The following SLC6A4 variants were observed in gnomAD, a reference collection of about 807,000 sequenced individuals.
SLC6A4 encodes sodium-dependent serotonin transporter.
A neutral mutation model predicts 73.4 loss-of-function variants in SLC6A4; 22 were observed. That is an observed-to-expected ratio of 0.30 (90% CI 0.21 to 0.43). The LOEUF is 0.43. SLC6A4 is among the 20% of genes least tolerant of loss of function. SLC6A4 has a pLI of 1.00. For synonymous variants in SLC6A4, 270 were observed against 315.5 expected (o/e 0.86, Z 1.53); for missense variants, 593 against 808.5 (o/e 0.73, Z 3.23).
chr17:30,215,821 G>T, intron 7 of SLC6A4, 107 bp from the exon 8 acceptor site: 1 of 965,786 alleles, frequency 1.0e-6, no homozygotes, highest in Non-Finnish European at 1.6e-6. Flanking sequence ...TGCAGAGGCA[G>T]AAAAACAGCT....
chr17:30,222,045 G>A lies in SLC6A4; in HGVS notation c.-87C>T, dbSNP rs773837393. 1 of 1,598,586 alleles carries A rather than the reference G, an allele frequency of 6.3e-7. No individual in the cohort carries two copies. Among genetic ancestry groups the A allele is most frequent in the Non-Finnish European group, 8.5e-7 (1 of 1,172,810 alleles). ...GCTTGGATTTGTGGATCACCTCCGA[G>A]CTCTCTATCGTCGGGATTGACACGT... On this transcript the variant is annotated 5_prime_UTR_variant, in exon 3 of 15. Coordinates refer to ENST00000650711, the MANE Select transcript of SLC6A4 (RefSeq NM_001045.6).
In SLC6A4 at chr17:30,198,240, G is replaced by A. The variant is rs200643136; in HGVS notation, c.*216C>T. On this transcript the variant is annotated 3_prime_UTR_variant, in exon 15 of 15. Coordinates refer to ENST00000650711, the MANE Select transcript of SLC6A4 (RefSeq NM_001045.6). The stretch of plus-strand genomic sequence containing the variant: ...GTCCAAAATAGGCCAGCTCAGCTGT[G>A]TCACAGTCTACCATGGGAATATGTC... The A allele has an allele frequency of 6.8e-6, 3 of 440,320 alleles. No individual in the cohort carries two copies. The highest frequency in any genetic ancestry group is 8.0e-6 in the Non-Finnish European group (2 of 249,360). 27.3% of individuals were successfully genotyped at this position (440,320 alleles called of 1,614,324 possible). A position where few individuals can be genotyped will look rare whatever the true frequency, so the allele number is the denominator to read the frequency against.
chr17:30,208,220 G>A (rs1006589595), intron 12 of SLC6A4, among the ~76,000 whole-genome samples: 1 of 152,152 alleles, frequency 6.6e-6, no homozygotes, highest in African/African-American at 2.4e-5. Flanking sequence ...CCTGAGAGCT[G>A]AGTGTGTATC....
rs748605573 is a variant in SLC6A4 at position 30,211,454 on chromosome 17, G to T, written c.1205-30C>A. 3 of 1,397,002 alleles carry T rather than the reference G, an allele frequency of 2.1e-6. No homozygotes were observed. In the South Asian group the frequency reaches 3.5e-5, roughly 16 times the overall value. 86.5% of individuals were successfully genotyped at this position (1,397,002 alleles called of 1,614,324 possible). A position where few individuals can be genotyped will look rare whatever the true frequency, so the allele number is the denominator to read the frequency against. ...GACAGAGGGGAGAGAGGAGGAGGTGGTTGACAAGACCTGTCCTACAAAGAT... is the reference window on the plus strand; with the variant it reads ...GACAGAGGGGAGAGAGGAGGAGGTGTTTGACAAGACCTGTCCTACAAAGAT... On this transcript the variant is annotated intron_variant, in intron 9 of 14. Coordinates refer to ENST00000650711, the MANE Select transcript of SLC6A4 (RefSeq NM_001045.6). This position sits in a 1 kb window ranked among gnomAD's most constrained non-coding sequence, Gnocchi z 4.0.
chr17:30,200,019 C>T (rs1179818550), intron 14 of SLC6A4, among the ~76,000 whole-genome samples: 1 of 152,170 alleles, frequency 6.6e-6, no homozygotes, highest in Admixed American at 6.5e-5. Flanking sequence ...CTGCCTCAGC[C>T]TCCCAAGTAG....
chr17:30,202,677 T>C (rs1384146709), intron 14 of SLC6A4, among the ~76,000 whole-genome samples: 1 of 152,266 alleles, frequency 6.6e-6, no homozygotes, highest in Non-Finnish European at 1.5e-5. Context: ...AAAATCATGC[T>C]ATTGTTAGAT....
At chr17:30,215,473 C>T (rs1906543091) in intron 8 of SLC6A4, 138 bp downstream of exon 8, 4 of 711,164 alleles carry the variant, frequency 5.6e-6, no homozygotes, top group South Asian at 1.7e-5. Flanking sequence ...CAGGGGCCTG[C>T]AGCACCCCTG....
chr17:30,208,694 G>GT (rs1906286416), intron 12 of SLC6A4, among the ~76,000 whole-genome samples: 1 of 152,214 alleles, frequency 6.6e-6, no homozygotes, highest in African/African-American at 2.4e-5. Flanking sequence ...TTGTTTTTGG[G>GT]TTTTTTGTTT....
chr17:30,208,507 G>T (rs573066599), intron 12 of SLC6A4, among the ~76,000 whole-genome samples: 1 of 152,196 alleles, frequency 6.6e-6, no homozygotes, highest in East Asian at 1.9e-4. Flanking sequence ...CCTAGGGCAG[G>T]TCTATGGAGA....
intron 1 of SLC6A4, among the ~76,000 whole-genome samples, chr17:30,228,430 G>T (rs1186301489): frequency 6.6e-6 from 1 of 152,154 alleles, no homozygotes; most frequent in Non-Finnish European, 1.5e-5. Context: ...TCATACCCTA[G>T]CAGGGAAACT....
At position 30,222,799 on chromosome 17, in the gene SLC6A4, T is replaced by C; in HGVS notation, c.-124+20A>G. 7.7e-7 allele frequency: 1 copy of C among 1,304,664 alleles called. No homozygotes were observed. Among genetic ancestry groups the C allele is most frequent in the Non-Finnish European group, 1.0e-6 (1 of 988,906 alleles). The allele number at this position is 1,304,664 out of a possible 1,614,324, so 80.8% of individuals were successfully genotyped here. ...TGCATTTGCAAGCCCGACTGGTCCT[T>C]AAACGGCACTGCTGCTCACCATTTG... On this transcript the variant is annotated intron_variant, in intron 2 of 14. Transcript: ENST00000650711.
chr17:30,231,589 C>T (rs950055037), intron 1 of SLC6A4, among the ~76,000 whole-genome samples: 1 of 151,748 alleles, frequency 6.6e-6, no homozygotes, highest in South Asian at 2.1e-4. Context: ...ACTGCATATG[C>T]AAAAATTAGA....
chr17:30,209,643 CAAA>C (rs113621056), intron 11 of SLC6A4, among the ~76,000 whole-genome samples: 6 of 57,598 alleles, frequency 1.0e-4, no homozygotes, highest in African/African-American at 2.0e-4. Context: ...AGACTCTGTC[CAAA>C]AAAAAAAAAA....
Position 30,209,165 on chromosome 17 carries a change from T to C in SLC6A4, c.1527A>G (p.Ala509=), listed in dbSNP as rs767541326. ...TACCATAGAACCAAGACACAGCGAC[T>C]GCTTCGATCAGCGCGACAGTGAGCA... ...PAVLTVALIE[A]VAVSWFYGIT... is the part of the protein sequence containing the mutation. The change falls in exon 12 of 15, where the codon GCA becomes GCG. Residue 509 remains alanine, a synonymous_variant. Coordinates refer to ENST00000650711, the MANE Select transcript of SLC6A4 (RefSeq NM_001045.6). 2 of 1,613,508 alleles carry C rather than the reference T, an allele frequency of 1.2e-6. No individual in the cohort carries two copies. The highest frequency in any genetic ancestry group is 2.7e-5 in the African/African-American group (2 of 74,900).
chr17:30,220,995 G>A (rs1437008770), intron 3 of SLC6A4, among the ~76,000 whole-genome samples: 2 of 28,186 alleles, frequency 7.1e-5, no homozygotes, highest in African/African-American at 1.5e-4. Flanking sequence ...TTTTTTTTTT[G>A]AGACAGAGTC....
chr17:30,222,912 A>T lies in SLC6A4; in HGVS notation c.-217T>A, dbSNP rs559187535. On this transcript the variant is annotated 5_prime_UTR_variant, in exon 2 of 15. Coordinates refer to ENST00000650711, the MANE Select transcript of SLC6A4 (RefSeq NM_001045.6). ...CAAGCAAGGTCGCCTTGCCTCCAGG[A>T]GACCTAGGGAGAAGAGTGTGCAGGT... 9 of 1,079,746 alleles carry T rather than the reference A, an allele frequency of 8.3e-6. No homozygotes were observed. The highest frequency in any genetic ancestry group is 1.6e-5 in the African/African-American group (1 of 61,132). The allele number at this position is 1,079,746 out of a possible 1,614,324, so 66.9% of individuals were successfully genotyped here.
Position 30,222,178 on chromosome 17 carries a change from G to A in SLC6A4, c.-123-97C>T, listed in dbSNP as rs55722258. The stretch of plus-strand genomic sequence containing the variant: ...TACATCTTAAACTACATTAGTTAAC[G>A]GGATTACAAATGCATCTGTTAAATG... On this transcript the variant is annotated intron_variant, in intron 2 of 14. Transcript: ENST00000650711. 99 of 740,170 alleles carry A rather than the reference G, an allele frequency of 1.3e-4. No individual in the cohort carries two copies. The Middle Eastern group carries it at 1.9e-3, about 14-fold the overall frequency. The allele number at this position is 740,170 out of a possible 1,614,324, so 45.9% of individuals were successfully genotyped here.
intron 11 of SLC6A4, among the ~76,000 whole-genome samples, chr17:30,209,667 TTTCTTGGACTG>T (rs1215027455): frequency 2.0e-5 from 3 of 151,106 alleles, no homozygotes; most frequent in Non-Finnish European, 3.0e-5. Context: ...AAAGAAACTG[TTTCTTGGACTG>T]TTCTTGGACT....
intron 1 of SLC6A4, among the ~76,000 whole-genome samples, chr17:30,224,836 G>A (rs758056994): frequency 1.3e-5 from 2 of 152,204 alleles, no homozygotes; most frequent in Non-Finnish European, 2.9e-5. Context: ...ATTTTTGAGG[G>A]CAACGTGTGT....
Sources: allele counts gnomAD v4.1 joint callset (sites outside exome capture counted in the v4.1 genomes callset), GRCh38; gene constraint gnomAD v4.1.1; non-coding constraint Gnocchi (gnomAD v3.1); transcripts MANE v1.5; gene names NCBI Gene and HGNC (gene_info 2026-07-23, HGNC 2026-07-21).